Variants in SRD5A2 observed in about 807,000 individuals in gnomAD.
SRD5A2 encodes steroid 5 alpha-reductase 2.
In SRD5A2, 30 loss-of-function variants were observed where a neutral mutation model predicts 27.4. The observed-to-expected ratio is 1.10, with a 90% confidence interval of 0.82 to 1.49. The LOEUF is 1.49. Ranked by LOEUF, SRD5A2 falls within the 40% of genes most tolerant of loss-of-function variation. The pLI is 0.00. For missense variants in SRD5A2, 348 were observed against 323.4 expected, an observed-to-expected ratio of 1.08 and a Z score of -0.58; for synonymous variants, 141 against 133.6, an observed-to-expected ratio of 1.06 and a Z score of -0.38.
intron 1 of SRD5A2, among the ~76,000 whole-genome samples, chr2:31,548,021 C>G (rs1666298850): frequency 6.6e-6 from 1 of 152,086 alleles, no homozygotes; most frequent in Non-Finnish European, 1.5e-5. Context: ...GCAAATCATG[C>G]TGGGAAAACT....
upstream of SRD5A2, among the ~76,000 whole-genome samples, chr2:31,583,021 A>C (rs921269068): frequency 6.6e-6 from 1 of 152,088 alleles, no homozygotes; most frequent in African/African-American, 2.4e-5. Flanking sequence ...TTTCTCCACT[A>C]TTATAACAAT....
intron 1 of SRD5A2, among the ~76,000 whole-genome samples, chr2:31,570,630 T>A (rs528707974): frequency 1.3e-5 from 2 of 152,320 alleles, no homozygotes; most frequent in South Asian, 4.1e-4. Context: ...GAACACCCCA[T>A]AGTCTCTTCC....
the SRD5A2 span, among the ~76,000 whole-genome samples, chr2:31,588,185 G>C: frequency 6.6e-6 from 1 of 152,126 alleles, no homozygotes; most frequent in East Asian, 1.9e-4. Flanking sequence ...GAAAGAGAGA[G>C]GGGTGGAAAG....
the SRD5A2 span, among the ~76,000 whole-genome samples, chr2:31,626,079 C>T: frequency 2.6e-5 from 4 of 152,140 alleles, no homozygotes; most frequent in Non-Finnish European, 5.9e-5. Context: ...TTCTTCACAT[C>T]CCTTGTAAGT....
intron 1 of SRD5A2, among the ~76,000 whole-genome samples, chr2:31,541,616 G>A (rs2366064): frequency 1 from 152,292 of 152,292 alleles, 76,146 homozygotes; most frequent in Non-Finnish European, 1. Context: ...GTAAAAACAG[G>A]AAATCAGATA....
At chr2:31,589,399 A>G in the SRD5A2 span, among the ~76,000 whole-genome samples, 1 of 152,174 alleles carries the variant, frequency 6.6e-6, no homozygotes, top group African/African-American at 2.4e-5. Flanking sequence ...GAAGTTAATA[A>G]ATACCTCTCT....
the SRD5A2 span, among the ~76,000 whole-genome samples, chr2:31,609,133 T>C: frequency 2.0e-5 from 3 of 152,112 alleles, no homozygotes; most frequent in South Asian, 6.2e-4. Flanking sequence ...TTCCACTCTC[T>C]AGAATGTGAA....
chr2:31,657,822 C>A, the SRD5A2 span, among the ~76,000 whole-genome samples: 1 of 152,052 alleles, frequency 6.6e-6, no homozygotes, highest in Non-Finnish European at 1.5e-5. Context: ...TCTGCCACAA[C>A]CACAATCCTG....
At chr2:31,569,679 A>AAC (rs1553328054) in intron 1 of SRD5A2, among the ~76,000 whole-genome samples, 241 of 58,132 alleles carry the variant, frequency 4.1e-3, no homozygotes, top group African/African-American at 0.011. Context: ...ACAAAAAACA[A>AAC]AAAAAAAAAA....
chr2:31,638,328 G>C, the SRD5A2 span, among the ~76,000 whole-genome samples: 1 of 152,020 alleles, frequency 6.6e-6, no homozygotes, highest in Non-Finnish European at 1.5e-5. Flanking sequence ...AATTTGTTTA[G>C]ACTTGTCTTG....
the SRD5A2 span, among the ~76,000 whole-genome samples, chr2:31,621,822 T>A: frequency 3.3e-5 from 5 of 152,002 alleles, no homozygotes; most frequent in Non-Finnish European, 1.5e-5. Flanking sequence ...AAACTATTTT[T>A]TGTAGAGATG....
the SRD5A2 span, among the ~76,000 whole-genome samples, chr2:31,591,002 A>T: frequency 6.6e-6 from 1 of 152,224 alleles, no homozygotes. Context: ...AACCTAGGCA[A>T]TACCATTCAG....
the SRD5A2 span, among the ~76,000 whole-genome samples, chr2:31,625,912 C>A: frequency 6.6e-6 from 1 of 152,050 alleles, no homozygotes; most frequent in South Asian, 2.1e-4. Flanking sequence ...TCATTGGTAG[C>A]TTGATGGGGA....
chr2:31,627,431 G>GAT, the SRD5A2 span, among the ~76,000 whole-genome samples: 1 of 136,960 alleles, frequency 7.3e-6, no homozygotes, highest in Non-Finnish European at 1.7e-5. Context: ...CTTTTGTACG[G>GAT]GGGTGTGTGT....
intron 1 of SRD5A2, among the ~76,000 whole-genome samples, chr2:31,534,654 A>G (rs1665988081): frequency 6.6e-6 from 1 of 152,224 alleles, no homozygotes; most frequent in African/African-American, 2.4e-5. Context: ...GCACATGCTC[A>G]TGCTAGACAA....
At chr2:31,573,372 G>T (rs986349690) in intron 1 of SRD5A2, among the ~76,000 whole-genome samples, 1 of 152,154 alleles carries the variant, frequency 6.6e-6, no homozygotes, top group African/African-American at 2.4e-5. Context: ...AAAATTTAGA[G>T]CTCCTATGTT....
chr2:31,578,545 G>A (rs1446389342), intron 1 of SRD5A2, among the ~76,000 whole-genome samples: 4 of 152,180 alleles, frequency 2.6e-5, no homozygotes, highest in African/African-American at 7.2e-5. Context: ...GTAACACCCT[G>A]TAAGCACTCA....
the SRD5A2 span, among the ~76,000 whole-genome samples, chr2:31,650,300 C>T: frequency 2.0e-5 from 3 of 152,030 alleles, no homozygotes; most frequent in Non-Finnish European, 2.9e-5. Flanking sequence ...TATGGCACCT[C>T]AAGCAAAAGA....
the SRD5A2 span, among the ~76,000 whole-genome samples, chr2:31,648,505 A>G: frequency 6.6e-6 from 1 of 152,204 alleles, no homozygotes; most frequent in Non-Finnish European, 1.5e-5. Context: ...GTTGCTCATT[A>G]TGGACCAAAT....
Sources: gnomAD v4.1 joint callset for allele counts (sites outside exome capture counted in the v4.1 genomes callset) on GRCh38, gnomAD v4.1.1 for gene constraint, MANE v1.5 for transcripts, NCBI Gene and HGNC (gene_info 2026-07-23, HGNC 2026-07-21) for gene names.